The following MDGA2 variants were observed in gnomAD, a reference collection of about 807,000 sequenced individuals.
MDGA2 encodes the protein MAM domain-containing glycosylphosphatidylinositol anchor protein 2.
MDGA2 carries 40 observed loss-of-function variants against 117.8 expected under a neutral mutation model. That is an observed-to-expected ratio of 0.34 (90% CI 0.26 to 0.44). The LOEUF (loss-of-function observed/expected upper bound fraction) is 0.44, where lower values mean the gene tolerates loss of function less well. Ranked by LOEUF, MDGA2 falls within the 20% of genes least tolerant of loss-of-function variation. The probability of loss-of-function intolerance (pLI) is 1.00; values close to 1 mark genes in which losing one functional copy is unlikely to be tolerated. For synonymous variants in MDGA2, 452 were observed against 439.0 expected, an observed-to-expected ratio of 1.03 and a Z score of -0.37; for missense variants, 1,123 against 1,250.6, an observed-to-expected ratio of 0.90 and a Z score of 1.54.
chr14:47,633,138 G>A (rs1281948187), intron 1 of MDGA2, among the ~76,000 whole-genome samples: 3 of 152,084 alleles, frequency 2.0e-5, no homozygotes, highest in Non-Finnish European at 4.4e-5. Context: ...TCCTAACTGC[G>A]CTCATCATGC....
At chr14:47,528,040 A>G (rs190564483) in intron 1 of MDGA2, among the ~76,000 whole-genome samples, 61 of 152,316 alleles carry the variant, frequency 4.0e-4, no homozygotes, top group African/African-American at 1.3e-3. Context: ...CCTTCTTTAG[A>G]TGTTATAATA....
chr14:47,579,987 A>G (rs74046645), intron 1 of MDGA2, among the ~76,000 whole-genome samples: 7,611 of 152,082 alleles, frequency 0.05, 632 homozygotes, highest in African/African-American at 0.17. Flanking sequence ...AGAGGGAGGA[A>G]TTATTATTCT....
At chr14:47,590,774 G>A (rs780072255) in intron 1 of MDGA2, among the ~76,000 whole-genome samples, 5 of 151,666 alleles carry the variant, frequency 3.3e-5, no homozygotes, top group Non-Finnish European at 7.4e-5. Context: ...AAATATACAA[G>A]CCTACTATGT....
intron 2 of MDGA2, among the ~76,000 whole-genome samples, chr14:47,259,461 T>C (rs77159659): frequency 0.031 from 4,769 of 152,202 alleles, 170 homozygotes; most frequent in East Asian, 0.18. Flanking sequence ...TTTGCTTTTC[T>C]CCTTAAAAAA....
chr14:47,287,973 G>T (rs1441807218), intron 2 of MDGA2, among the ~76,000 whole-genome samples: 1 of 152,150 alleles, frequency 6.6e-6, no homozygotes, highest in African/African-American at 2.4e-5. Flanking sequence ...CTGGGAAGAG[G>T]CAAGGAAGGA....
chr14:47,449,709 T>C (rs1263247728), intron 1 of MDGA2, among the ~76,000 whole-genome samples: 1 of 152,118 alleles, frequency 6.6e-6, no homozygotes, highest in Non-Finnish European at 1.5e-5. Context: ...GTTTTCTAAA[T>C]ATACATAATC....
chr14:46,996,921 T>C (rs897132025), intron 8 of MDGA2: 10 of 379,686 alleles, frequency 2.6e-5, no homozygotes, highest in South Asian at 2.4e-4. Context: ...GGAGAGCACC[T>C]AGCAGCAACC....
At position 47,218,154 on chromosome 14, in the gene MDGA2, G is replaced by C. The variant is rs1476146294; in HGVS notation, c.462C>G (p.Phe154Leu). 5 of 1,550,640 alleles carry C rather than the reference G, an allele frequency of 3.2e-6. No individual in the cohort carries two copies. In the East Asian group the frequency reaches 7.3e-5, roughly 23 times the overall value. Residue 154 changes from phenylalanine to leucine, a missense_variant, in exon 3 of 17, where the codon TTC (phenylalanine) becomes TTG (leucine). This residue lies in a region of MDGA2 where 233 missense variants were observed against 200.3 expected (regional missense o/e 1.16). Coordinates refer to ENST00000399232, the MANE Select transcript of MDGA2 (RefSeq NM_001113498.3). ...TCTCATTGAAGACACTTGAGTCTTG[G>C]AATCTGTCAGAGGCACTTCCTGCTG... ...TKTAGSASDR[F>L]QDSSVFNETL...
intron 3 of MDGA2, among the ~76,000 whole-genome samples, chr14:47,187,354 C>T (rs1238715509): frequency 6.6e-6 from 1 of 151,780 alleles, no homozygotes; most frequent in Non-Finnish European, 1.5e-5. Context: ...TGTTTAATTT[C>T]CCCATATAAA....
At chr14:47,545,342 G>A (rs887997386) in intron 1 of MDGA2, among the ~76,000 whole-genome samples, 9 of 152,150 alleles carry the variant, frequency 5.9e-5, no homozygotes, top group Admixed American at 4.6e-4. Flanking sequence ...TTTCACTAAA[G>A]AGGAAATCTC....
chr14:46,874,354 A>C (rs1209446414), intron 12 of MDGA2, among the ~76,000 whole-genome samples, 154 bp from the exon 13 acceptor site: 1 of 151,870 alleles, frequency 6.6e-6, no homozygotes, highest in Non-Finnish European at 1.5e-5. Context: ...TTACAACTAA[A>C]CATAAAACCA....
chr14:47,394,148 T>C (rs1891955922), intron 1 of MDGA2, among the ~76,000 whole-genome samples: 1 of 152,190 alleles, frequency 6.6e-6, no homozygotes, highest in South Asian at 2.1e-4. Flanking sequence ...ATAAAAATGC[T>C]ACACATTTGT....
chr14:47,371,955 A>C (rs987166863), intron 1 of MDGA2, among the ~76,000 whole-genome samples: 1 of 151,732 alleles, frequency 6.6e-6, no homozygotes, highest in Admixed American at 6.6e-5. Flanking sequence ...TTATTTTGAA[A>C]TATGTTTACA....
At position 46,955,378 on chromosome 14, in the gene MDGA2, A is replaced by ATAT. The variant is rs1330936790; in HGVS notation, c.2089+1995_2089+1996insATA. ...CATGAAGCTCACTTAAACCTCATAAAACTGCTATGACTTCACCATTAAAAT... is the reference window on the plus strand; with the variant it reads ...CATGAAGCTCACTTAAACCTCATAAATATACTGCTATGACTTCACCATTAAAAT... On this transcript the variant is annotated intron_variant, in intron 9 of 16. Transcript: ENST00000399232. Among the ~76,000 whole-genome samples the ATAT allele has an allele frequency of 5.3e-5, 8 of 152,214 alleles. No individual in the cohort carries two copies. In the East Asian group the frequency reaches 1.5e-3, roughly 29 times the overall value.
intron 1 of MDGA2, among the ~76,000 whole-genome samples, chr14:47,530,583 C>CG (rs1895077475): frequency 6.6e-6 from 1 of 152,112 alleles, no homozygotes; most frequent in African/African-American, 2.4e-5. Flanking sequence ...TAACTTACCC[C>CG]CATCCTCACT....
intron 2 of MDGA2, among the ~76,000 whole-genome samples, chr14:47,235,572 A>G (rs755443188): frequency 6.6e-6 from 1 of 152,202 alleles, no homozygotes; most frequent in Non-Finnish European, 1.5e-5. Context: ...TAGAGTACTG[A>G]CATTTTCTTT....
intron 1 of MDGA2, among the ~76,000 whole-genome samples, chr14:47,459,996 A>G (rs1326386695): frequency 6.6e-6 from 1 of 152,180 alleles, no homozygotes; most frequent in South Asian, 2.1e-4. Flanking sequence ...ATTTCTCAAT[A>G]TAGTAGTGGC....
intron 3 of MDGA2, among the ~76,000 whole-genome samples, chr14:47,169,785 A>C (rs1411168079): frequency 6.6e-6 from 1 of 152,110 alleles, no homozygotes; most frequent in Non-Finnish European, 1.5e-5. Context: ...TAAAACTGAA[A>C]ATTTCTGTAG....
intron 9 of MDGA2, among the ~76,000 whole-genome samples, chr14:46,937,759 T>C (rs543419146): frequency 1.3e-5 from 2 of 152,236 alleles, no homozygotes; most frequent in South Asian, 4.1e-4. Flanking sequence ...TGCAGAACAA[T>C]GAAACTAGAC....
Sources: allele counts gnomAD v4.1 joint callset (sites outside exome capture counted in the v4.1 genomes callset), GRCh38; gene constraint gnomAD v4.1.1; regional missense constraint gnomAD v4.1.1; transcripts MANE v1.5; gene names NCBI Gene and HGNC (gene_info 2026-07-23, HGNC 2026-07-21).